Variants in UGT1A3 observed in about 807,000 individuals in gnomAD.
UGT1A3 encodes UDP-glucuronosyltransferase 1A3.
A neutral mutation model predicts 41.0 loss-of-function variants in UGT1A3; 31 were observed. The observed-to-expected ratio is 0.76, with a 90% CI of 0.57 to 1.02. The LOEUF is 1.02. UGT1A3 is among the 50% of genes least tolerant of loss of function. The pLI is 0.00. For synonymous variants in UGT1A3, 262 were observed against 257.6 expected, an observed-to-expected ratio of 1.02 and a Z score of -0.17; for missense variants, 737 against 671.0, an observed-to-expected ratio of 1.10 and a Z score of -1.09.
At chr2:233,746,983 G>T (rs1426069164) in intron 1 of UGT1A3, among the ~76,000 whole-genome samples, 1 of 151,820 alleles carries the variant, frequency 6.6e-6, no homozygotes, top group Non-Finnish European at 1.5e-5. Context: ...AGCGAGCGCA[G>T]GGTCAGATGA....
chr2:233,730,114 C>G (rs2125751951), intron 1 of UGT1A3, 121 bp downstream of exon 1: 1 of 1,562,004 alleles, frequency 6.4e-7, no homozygotes, highest in Admixed American at 1.9e-5. Context: ...TCTGCTTCTC[C>G]TTGTCATAAT....
chr2:233,753,155 C>G (rs1695142736), intron 1 of UGT1A3: 2 of 152,204 alleles, frequency 1.3e-5, no homozygotes, highest in South Asian at 4.1e-4. Context: ...TGTAAGTTCC[C>G]TTATCCGGAT....
Position 233,769,582 on chromosome 2 carries a change from T to G in UGT1A3, c.1307+1143T>G. The G allele has an allele frequency of 6.2e-7, 1 of 1,612,842 alleles. No homozygotes were observed. Among genetic ancestry groups the G allele is most frequent in the Admixed American group, 1.7e-5 (1 of 60,012 alleles). ...TGTGAAGAGCTGGAGCATGTTCAGA[T>G]GAGAGGAGACGGAACACGGGGACAC... On this transcript the variant is annotated intron_variant, in intron 4 of 4. Coordinates refer to ENST00000482026, the MANE Select transcript of UGT1A3 (RefSeq NM_019093.4). This position sits in a 1 kb window ranked among gnomAD's most constrained non-coding sequence, Gnocchi z 4.4.
At chr2:233,747,144 A>C in intron 1 of UGT1A3, 1 of 1,563,462 alleles carries the variant, frequency 6.4e-7, no homozygotes, top group Non-Finnish European at 8.7e-7. Context: ...CAAGGTAATT[A>C]AGATGAAGAA....
rs549328655 is a variant in UGT1A3 at position 233,768,346 on chromosome 2, T to C, written c.1214T>C (p.Met405Thr). 31 of 1,614,146 alleles carry C rather than the reference T, an allele frequency of 1.9e-5. No individual in the cohort carries two copies. Among genetic ancestry groups the C allele is most frequent in the Non-Finnish European group, 2.5e-5 (30 of 1,180,016 alleles). ...GATCAGATGGACAATGCAAAGCGCA[T>C]GGAGACTAAGGGAGCTGGAGTGACC... ...FGDQMDNAKR[M>T]ETKGAGVTLN... Residue 405 changes from methionine to threonine, a missense_variant, in exon 4 of 5, where the codon ATG becomes ACG. Physicochemically the swap from Met to Thr is moderately conservative, Grantham distance 81 (BLOSUM62 -1). Transcript: ENST00000482026.
chr2:233,729,728 A>G lies in UGT1A3; in HGVS notation c.602A>G (p.Asn201Ser), dbSNP rs373493601. The G allele has an allele frequency of 6.2e-7, 1 of 1,613,928 alleles. No homozygotes were observed. Among genetic ancestry groups the G allele is most frequent in the Non-Finnish European group, 8.5e-7 (1 of 1,179,858 alleles). ...TATATTCCTAGATTACTAACAACCA[A>G]TTCAGACCACATGACATTCATGCAA... ...SSYIPRLLTT[N>S]SDHMTFMQRV... is the part of the protein sequence containing the mutation. The change falls in exon 1 of 5, where the codon AAT becomes AGT. Residue 201 changes from asparagine (N) to serine (S), a missense_variant. Coordinates refer to ENST00000482026, the MANE Select transcript of UGT1A3 (RefSeq NM_019093.4).
At chr2:233,755,085 C>T (rs753098995) in intron 1 of UGT1A3, 1 of 1,335,532 alleles carries the variant, frequency 7.5e-7, no homozygotes, top group Non-Finnish European at 1.0e-6. Flanking sequence ...ATAGATATCG[C>T]GTTTCTACGC....
At chr2:233,749,888 T>C (rs1316797004) in intron 1 of UGT1A3, among the ~76,000 whole-genome samples, 2 of 151,790 alleles carry the variant, frequency 1.3e-5, no homozygotes. Flanking sequence ...TTCCTGAGGC[T>C]CCCCCCTCCA....
chr2:233,754,674 C>G (rs1158611461), intron 1 of UGT1A3: 5 of 470,208 alleles, frequency 1.1e-5, no homozygotes. Context: ...GATTTTTTTA[C>G]CATCAACTAT....
intron 1 of UGT1A3, among the ~76,000 whole-genome samples, chr2:233,759,866 G>A (rs1362136524): frequency 6.6e-6 from 1 of 152,108 alleles, no homozygotes; most frequent in African/African-American, 2.4e-5. Flanking sequence ...CGAAAGCGGG[G>A]GTACAGTTGT....
intron 1 of UGT1A3, chr2:233,755,338 G>T (rs569505432): frequency 4.6e-6 from 2 of 431,822 alleles, no homozygotes; most frequent in South Asian, 2.1e-5. Flanking sequence ...CCCGCGCACA[G>T]GTCAGAGGCT....
At chr2:233,760,448 GA>G in intron 1 of UGT1A3, 1 of 1,614,238 alleles carries the variant, frequency 6.2e-7, no homozygotes, top group East Asian at 2.2e-5. Context: ...CAGCAGAGGG[GA>G]CATGAAATAG....
intron 1 of UGT1A3, among the ~76,000 whole-genome samples, chr2:233,756,852 C>T (rs11568318): frequency 6.6e-5 from 10 of 152,088 alleles, no homozygotes; most frequent in East Asian, 1.9e-4. Flanking sequence ...AACATTCTAA[C>T]GGTTCATAAA....
chr2:233,753,792 G>A (rs1695310266), intron 1 of UGT1A3: 1 of 152,134 alleles, frequency 6.6e-6, no homozygotes, highest in African/African-American at 2.4e-5. Context: ...ACATTTCCAG[G>A]ACCTACCATA....
intron 1 of UGT1A3, 23 bp downstream of exon 1, chr2:233,730,016 A>G (rs763607059): frequency 4.4e-5 from 71 of 1,613,718 alleles, no homozygotes; most frequent in Non-Finnish European, 5.8e-5. Flanking sequence ...GCCTTCATCC[A>G]ATCAATGTTC....
intron 1 of UGT1A3, among the ~76,000 whole-genome samples, chr2:233,758,930 C>T (rs1427100702): frequency 6.6e-6 from 1 of 152,236 alleles, no homozygotes; most frequent in Non-Finnish European, 1.5e-5. Context: ...TCCCTTTTGA[C>T]TTCAAATCAG....
chr2:233,743,205 G>A (rs1013981609), intron 1 of UGT1A3: 19 of 391,306 alleles, frequency 4.9e-5, no homozygotes, highest in South Asian at 9.4e-5. Flanking sequence ...GTGTCAATGC[G>A]GAGTAACTGC....
rs185086181 is a variant in UGT1A3, at chr2:233,749,033, T to C, written c.868-18001T>C. Among the ~76,000 whole-genome samples, 300 of 151,916 alleles carry C rather than the reference T, an allele frequency of 2.0e-3. 2 individuals carry two copies. The highest frequency in any genetic ancestry group is 7.3e-3 in the Admixed American group (111 of 15,296). On this transcript the variant is annotated intron_variant, in intron 1 of 4. Coordinates refer to ENST00000482026, the MANE Select transcript of UGT1A3 (RefSeq NM_019093.4). Reference sequence around the variant, plus strand: ...TTTAATCCAGAATATTTGGGGTTCATTGATGTGGTACTCTGGGACCTGAAT... The same window carrying C: ...TTTAATCCAGAATATTTGGGGTTCACTGATGTGGTACTCTGGGACCTGAAT...
chr2:233,733,736 T>C (rs558044026), intron 1 of UGT1A3, among the ~76,000 whole-genome samples: 3 of 152,366 alleles, frequency 2.0e-5, no homozygotes, highest in African/African-American at 7.2e-5. Context: ...TTTGCATCGA[T>C]GTTCATCAGG....
Sources: gnomAD v4.1 joint callset for allele counts (sites outside exome capture counted in the v4.1 genomes callset) on GRCh38, gnomAD v4.1.1 for gene constraint, Gnocchi (gnomAD v3.1) non-coding constraint, MANE v1.5 for transcripts, NCBI Gene and HGNC (gene_info 2026-07-23, HGNC 2026-07-21) for gene names.